The following LRRK1 variants were observed in gnomAD, a reference collection of about 807,000 sequenced individuals.
LRRK1 encodes the protein leucine-rich repeat serine/threonine-protein kinase 1.
In LRRK1, 113 loss-of-function variants were observed where a neutral mutation model predicts 209.1. That is an observed-to-expected ratio of 0.54 (90% CI 0.46 to 0.63). LRRK1 has a LOEUF of 0.63. LRRK1 is among the 30% of genes least tolerant of loss of function. The pLI, the probability that LRRK1 is intolerant of heterozygous loss-of-function variation, is 0.00. For synonymous variants in LRRK1, 1,144 were observed against 1,099.7 expected, an observed-to-expected ratio of 1.04 and a Z score of -0.80; for missense variants, 2,284 against 2,632.2, an observed-to-expected ratio of 0.87 and a Z score of 2.89.
Position 101,065,933 on chromosome 15 carries a change from G to A in LRRK1, c.5496G>A (p.Gln1832=). Residue 1832 remains glutamine (Q), a synonymous_variant, in exon 32 of 34, where the codon CAG becomes CAA. Transcript: ENST00000388948. The part of the protein sequence containing the change: ...EELGTQILIH[Q]ESLTDYCSMS... Reference sequence around the variant, plus strand: ...TGGGCACGCAGATCCTGATCCACCAGGAATCACTCACTGACTACTGCTCCA... The same window carrying A: ...TGGGCACGCAGATCCTGATCCACCAAGAATCACTCACTGACTACTGCTCCA... The A allele has an allele frequency of 1.9e-6, 3 of 1,614,160 alleles. No individual in the cohort carries two copies. Among genetic ancestry groups the A allele is most frequent in the South Asian group, 1.1e-5 (1 of 91,082 alleles).
chr15:101,034,619 A>C (rs1242807811), intron 20 of LRRK1, among the ~76,000 whole-genome samples: 1 of 152,004 alleles, frequency 6.6e-6, no homozygotes. Flanking sequence ...CTAGGTGTCT[A>C]TTTTTATACT....
At chr15:101,020,411 G>A (rs1193871708) in intron 12 of LRRK1, among the ~76,000 whole-genome samples, 1 of 121,044 alleles carries the variant, frequency 8.3e-6, no homozygotes, top group Non-Finnish European at 1.6e-5. Flanking sequence ...GTCTTGCTCT[G>A]TCACCCAGGC....
rs377162968 is a variant in LRRK1, at chr15:101,010,446, G to A, written c.990-4G>A. ...ATGCCTGCCTTCCTTCTTCTCCATC[G>A]CAGGCTACTTGAAATTGACATTTCC... On this transcript the variant is annotated splice_polypyrimidine_tract_variant and splice_region_variant and intron_variant, in intron 7 of 33. Coordinates refer to ENST00000388948, the MANE Select transcript of LRRK1 (RefSeq NM_024652.6). 380 of 1,608,230 alleles carry A rather than the reference G, an allele frequency of 2.4e-4. 1 individual carries two copies. Among genetic ancestry groups the A allele is most frequent in the Non-Finnish European group, 3.1e-4 (360 of 1,178,326 alleles).
chr15:101,019,548 T>G (rs1342328489), intron 12 of LRRK1, among the ~76,000 whole-genome samples: 1 of 152,114 alleles, frequency 6.6e-6, no homozygotes, highest in East Asian at 1.9e-4. Flanking sequence ...TATTCCATTA[T>G]CGGCTCTCCC....
intron 20 of LRRK1, among the ~76,000 whole-genome samples, chr15:101,042,918 G>A (rs889445869): frequency 6.6e-6 from 1 of 152,180 alleles, no homozygotes; most frequent in African/African-American, 2.4e-5. Context: ...GCCTCCCCTC[G>A]GGGTGGGACC....
chr15:101,005,422 T>C (rs1394534132), intron 6 of LRRK1, among the ~76,000 whole-genome samples: 1 of 152,156 alleles, frequency 6.6e-6, no homozygotes, highest in Non-Finnish European at 1.5e-5. Context: ...TGAAGAGTGA[T>C]ACAGTCGTGA....
At position 101,006,063 on chromosome 15, in the gene LRRK1, C is replaced by T. The variant is rs111968564; in HGVS notation, c.763-2774C>T. ...ATCACCCCATAGATTGTGTACTAAT[C>T]GCAAAGGGTATAATGTTAACCTTTA... On this transcript the variant is annotated intron_variant, in intron 6 of 33. Coordinates refer to ENST00000388948, the MANE Select transcript of LRRK1 (RefSeq NM_024652.6). Among the ~76,000 whole-genome samples the T allele has an allele frequency of 9.9e-3, 1,501 of 152,232 alleles. 29 individuals carry two copies. Among genetic ancestry groups the T allele is most frequent in the African/African-American group, 0.035 (1,435 of 41,526 alleles).
chr15:101,015,664 G>A (rs1001096016), intron 12 of LRRK1, among the ~76,000 whole-genome samples: 1 of 151,884 alleles, frequency 6.6e-6, no homozygotes, highest in Admixed American at 6.6e-5. Flanking sequence ...ATGTGCAGCT[G>A]ATCTACACAC....
chr15:100,985,970 A>G (rs2412001), intron 4 of LRRK1, among the ~76,000 whole-genome samples: 40,922 of 151,994 alleles, frequency 0.27, 5,923 homozygotes, highest in East Asian at 0.51. Context: ...AGGCCAAGGC[A>G]AGAGGATCAC....
intron 2 of LRRK1, among the ~76,000 whole-genome samples, chr15:100,955,421 A>G (rs1183237016): frequency 2.6e-5 from 4 of 152,190 alleles, no homozygotes; most frequent in African/African-American, 2.4e-5. Flanking sequence ...GGTTTTCTGC[A>G]TATAAGATCA....
At chr15:100,991,382 T>G (rs1596245243) in intron 6 of LRRK1, among the ~76,000 whole-genome samples, 2 of 152,356 alleles carry the variant, frequency 1.3e-5, no homozygotes, top group South Asian at 4.1e-4. Context: ...GCTTTTATGT[T>G]CTTTAATGAG....
chr15:101,040,921 G>A (rs1410384059), intron 20 of LRRK1, among the ~76,000 whole-genome samples: 3 of 152,178 alleles, frequency 2.0e-5, no homozygotes, highest in Non-Finnish European at 4.4e-5. Flanking sequence ...TTAGCTCAGA[G>A]TGGTAAACAA....
intron 12 of LRRK1, among the ~76,000 whole-genome samples, chr15:101,016,610 T>TA (rs1472196665): frequency 6.6e-6 from 1 of 152,160 alleles, no homozygotes; most frequent in Non-Finnish European, 1.5e-5. Context: ...AGCTTCGACA[T>TA]ATGAATTTGG....
intron 6 of LRRK1, among the ~76,000 whole-genome samples, chr15:100,995,200 T>G (rs926220164): frequency 6.6e-6 from 1 of 152,158 alleles, no homozygotes; most frequent in African/African-American, 2.4e-5. Context: ...GTGGTTGAGC[T>G]CTGCCTGACA....
At chr15:100,946,812 C>A (rs913619254) in intron 2 of LRRK1, among the ~76,000 whole-genome samples, 4 of 152,146 alleles carry the variant, frequency 2.6e-5, no homozygotes, top group African/African-American at 9.7e-5. Context: ...GAATGTTGAA[C>A]AACATACCAA....
intron 3 of LRRK1, 182 bp downstream of exon 3, chr15:100,974,149 A>T (rs923190134): frequency 4.4e-6 from 2 of 456,204 alleles, no homozygotes; most frequent in East Asian, 7.1e-5. Context: ...TCTCAGTCTG[A>T]TATCACCTAA....
At chr15:100,966,300 T>C (rs911124109) in intron 2 of LRRK1, among the ~76,000 whole-genome samples, 6 of 152,256 alleles carry the variant, frequency 3.9e-5, no homozygotes, top group Admixed American at 6.5e-5. Flanking sequence ...GTTATTGTTT[T>C]CTGTGGCGGT....
rs556956238 is a variant in LRRK1, at chr15:100,939,678, C to A, written c.97+14949C>A. Among the ~76,000 whole-genome samples, 162 of 152,304 alleles carry A rather than the reference C, an allele frequency of 1.1e-3. 2 individuals are homozygous for A. Among genetic ancestry groups the A allele is most frequent in the African/African-American group, 3.6e-3 (151 of 41,572 alleles). On this transcript the variant is annotated intron_variant, in intron 2 of 33. Coordinates refer to ENST00000388948, the MANE Select transcript of LRRK1 (RefSeq NM_024652.6). ...GTTGCAAAGTGGTGTTATTTTAAGTCTATCTTACCTTCTTCATTTATCAGC... is the reference window on the plus strand; with the variant it reads ...GTTGCAAAGTGGTGTTATTTTAAGTATATCTTACCTTCTTCATTTATCAGC...
At chr15:101,008,520 C>T (rs2033082241) in intron 6 of LRRK1, among the ~76,000 whole-genome samples, 1 of 152,220 alleles carries the variant, frequency 6.6e-6, no homozygotes. Context: ...TCCCGCCGCG[C>T]TCTTCCCTGT....
Sources: gnomAD v4.1 joint callset for allele counts (sites outside exome capture counted in the v4.1 genomes callset) on GRCh38, gnomAD v4.1.1 for gene constraint, MANE v1.5 for transcripts, NCBI Gene and HGNC (gene_info 2026-07-23, HGNC 2026-07-21) for gene names.